The following MORC3 variants were observed in gnomAD, a reference collection of about 807,000 sequenced individuals.
MORC3 encodes MORC family CW-type zinc finger 3, also known as MORC family CW-type zinc finger protein 3.
Under a neutral mutation model 109.1 loss-of-function variants are expected in MORC3, and 31 were observed. The observed-to-expected ratio is 0.28, with a 90% confidence interval of 0.21 to 0.38. MORC3 has a LOEUF of 0.38. Ranked by LOEUF, MORC3 falls within the 10% of genes least tolerant of loss-of-function variation. The probability of loss-of-function intolerance (pLI) is 1.00; values close to 1 mark genes in which losing one functional copy is unlikely to be tolerated. For missense variants in MORC3, 867 were observed against 1,135.8 expected (o/e 0.76, Z 3.40); for synonymous variants, 395 against 380.7 (o/e 1.04, Z -0.44).
At chr21:36,320,907 C>T (rs2085186764) in intron 1 of MORC3, among the ~76,000 whole-genome samples, 1 of 152,218 alleles carries the variant, frequency 6.6e-6, no homozygotes, top group African/African-American at 2.4e-5. Flanking sequence ...GTTTCGAGTT[C>T]TTGGAAACCC....
At chr21:36,354,481 G>A (rs979950960) in intron 9 of MORC3, among the ~76,000 whole-genome samples, 1 of 151,160 alleles carries the variant, frequency 6.6e-6, no homozygotes, top group Non-Finnish European at 1.5e-5. Context: ...ATTTTTGTGT[G>A]TTTAGTAGAG....
intron 10 of MORC3, among the ~76,000 whole-genome samples, chr21:36,358,796 C>T (rs2085677957): frequency 6.6e-6 from 1 of 151,918 alleles, no homozygotes; most frequent in Admixed American, 6.6e-5. Flanking sequence ...TCTCCTGCCT[C>T]AGCCTCCTGA....
At chr21:36,320,443 C>A (rs935024016) in intron 1 of MORC3, 140 bp downstream of exon 1, 9 of 766,226 alleles carry the variant, frequency 1.2e-5, no homozygotes, top group Non-Finnish European at 1.1e-5. Context: ...GAGGGGGCGG[C>A]CATCTCGCTC....
At chr21:36,361,033 C>T (rs2085708259) in intron 12 of MORC3, among the ~76,000 whole-genome samples, 1 of 149,946 alleles carries the variant, frequency 6.7e-6, no homozygotes, top group South Asian at 2.1e-4. Flanking sequence ...GATCGCATCA[C>T]TGCACTCCAG....
intron 1 of MORC3, among the ~76,000 whole-genome samples, chr21:36,323,663 T>G (rs2085216896): frequency 6.6e-6 from 1 of 152,194 alleles, no homozygotes; most frequent in South Asian, 2.1e-4. Flanking sequence ...TGGAAATTCT[T>G]TCCGAATTTT....
intron 15 of MORC3, among the ~76,000 whole-genome samples, chr21:36,370,501 T>C (rs1366515114): frequency 6.6e-6 from 1 of 151,380 alleles, no homozygotes; most frequent in Non-Finnish European, 1.5e-5. Flanking sequence ...CTTTTAAGTA[T>C]AGTTAATCCT....
intron 16 of MORC3, among the ~76,000 whole-genome samples, chr21:36,374,115 A>G (rs2085902116): frequency 6.6e-6 from 1 of 152,036 alleles, no homozygotes; most frequent in Admixed American, 6.6e-5. Flanking sequence ...TTGGAGACAG[A>G]GTCTTGATCT....
At chr21:36,347,733 T>G (rs530850514) in intron 8 of MORC3, 1 of 152,298 alleles carries the variant, frequency 6.6e-6, no homozygotes, top group South Asian at 2.1e-4. Context: ...CTCAGTTGAT[T>G]TCACTGTGCT....
chr21:36,337,155 T>G, intron 3 of MORC3, 149 bp downstream of exon 3: 1 of 909,796 alleles, frequency 1.1e-6, no homozygotes, highest in South Asian at 2.1e-5. Flanking sequence ...TTTCTACTAC[T>G]GGTAGATGAT....
At chr21:36,320,948 G>A in intron 1 of MORC3, among the ~76,000 whole-genome samples, 1 of 152,150 alleles carries the variant, frequency 6.6e-6, no homozygotes, top group South Asian at 2.1e-4. Context: ...TAAATCGTAG[G>A]GAGCGGTCAC....
At chr21:36,352,475 G>A (rs1014865874) in intron 9 of MORC3, among the ~76,000 whole-genome samples, 4 of 152,084 alleles carry the variant, frequency 2.6e-5, no homozygotes, top group East Asian at 3.8e-4. Context: ...CTTTGAGACC[G>A]GAAGTGTTTT....
chr21:36,356,770 G>A, intron 10 of MORC3, 46 bp downstream of exon 10: 3 of 1,246,990 alleles, frequency 2.4e-6, no homozygotes, highest in Non-Finnish European at 3.4e-6. Flanking sequence ...ATATCAAGAT[G>A]TGGTATTAGA....
At chr21:36,359,415 G>A (rs1013303841) in intron 10 of MORC3, among the ~76,000 whole-genome samples, 8 of 152,062 alleles carry the variant, frequency 5.3e-5, no homozygotes, top group African/African-American at 7.2e-5. Context: ...AGACTAAGGT[G>A]TATGCCACCA....
intron 2 of MORC3, among the ~76,000 whole-genome samples, chr21:36,334,999 G>A (rs2085358926): frequency 6.6e-6 from 1 of 152,084 alleles, no homozygotes; most frequent in East Asian, 1.9e-4. Context: ...GGGTGGTGGT[G>A]CACACCTGTA....
intron 9 of MORC3, among the ~76,000 whole-genome samples, chr21:36,353,723 G>A (rs1477028283): frequency 7.0e-6 from 1 of 141,968 alleles, no homozygotes; most frequent in Non-Finnish European, 1.5e-5. Context: ...TGGGATTACA[G>A]GCACCTGCCA....
chr21:36,342,565 G>A (rs1449711812), intron 6 of MORC3, among the ~76,000 whole-genome samples: 1 of 151,984 alleles, frequency 6.6e-6, no homozygotes, highest in African/African-American at 2.4e-5. Context: ...ACCACACCCG[G>A]CTATTTTTTT....
intron 6 of MORC3, among the ~76,000 whole-genome samples, chr21:36,343,812 T>C (rs1001649896): frequency 6.6e-6 from 1 of 152,116 alleles, no homozygotes; most frequent in Non-Finnish European, 1.5e-5. Flanking sequence ...TATTTGTCAT[T>C]TACAGATTTT....
At chr21:36,368,937 A>G (rs773340786) in intron 14 of MORC3, 51 bp from the exon 15 acceptor site, 2 of 1,438,314 alleles carry the variant, frequency 1.4e-6, no homozygotes, top group East Asian at 2.5e-5. Flanking sequence ...AAGGTCATCT[A>G]TTTTGTCCAT....
At position 36,375,088 on chromosome 21, in the gene MORC3, A is replaced by G. The variant is rs561876449; in HGVS notation, c.2667-55A>G. The G allele has an allele frequency of 1.1e-5, 17 of 1,513,668 alleles. No individual in the cohort carries two copies. In the South Asian group the frequency reaches 1.5e-4, roughly 14 times the overall value. 93.8% of individuals were successfully genotyped at this position (1,513,668 alleles called of 1,614,324 possible). A position where few individuals can be genotyped will look rare whatever the true frequency, so the allele number is the denominator to read the frequency against. On this transcript the variant is annotated intron_variant, in intron 16 of 16. Coordinates refer to ENST00000400485, the MANE Select transcript of MORC3 (RefSeq NM_015358.3). ...TTTGATATTTTACTTTTTAAGGTCT[A>G]CATGAATCTTAACTTGTAATGCTCA...
Sources: gnomAD v4.1 joint callset for allele counts (sites outside exome capture counted in the v4.1 genomes callset) on GRCh38, gnomAD v4.1.1 for gene constraint, MANE v1.5 for transcripts, NCBI Gene and HGNC (gene_info 2026-07-23, HGNC 2026-07-21) for gene names.